Variants in MACROD2 observed in about 807,000 individuals in gnomAD.
MACROD2 encodes mono-ADP ribosylhydrolase 2, also known as ADP-ribose glycohydrolase MACROD2.
Under a neutral mutation model 70.4 loss-of-function variants are expected in MACROD2, and 36 were observed. The ratio of observed to expected loss-of-function variants is 0.51; its 90% confidence interval spans 0.39 to 0.68. The LOEUF is 0.68. MACROD2 is among the 30% of genes least tolerant of loss of function. The pLI, the probability that MACROD2 is intolerant of heterozygous loss-of-function variation, is 0.00. For synonymous variants in MACROD2, 172 were observed against 178.8 expected (o/e 0.96, Z 0.30); for missense variants, 496 against 538.4 (o/e 0.92, Z 0.78).
chr20:15,476,791 G>A (rs1025262905), intron 7 of MACROD2, among the ~76,000 whole-genome samples: 7 of 152,164 alleles, frequency 4.6e-5, no homozygotes, highest in East Asian at 1.9e-4. Context: ...ATGTCTTCAG[G>A]TGTTTGAAAA....
At chr20:15,405,002 C>T (rs558905141) in intron 6 of MACROD2, among the ~76,000 whole-genome samples, 7 of 152,170 alleles carry the variant, frequency 4.6e-5, no homozygotes, top group African/African-American at 1.7e-4. Flanking sequence ...ACCTTAAAAA[C>T]GTTATGCTAG....
intron 3 of MACROD2, among the ~76,000 whole-genome samples, chr20:14,469,630 A>G (rs1435002079): frequency 6.6e-6 from 1 of 151,536 alleles, no homozygotes; most frequent in East Asian, 2.0e-4. Context: ...ATTCCTTTTC[A>G]TTCTCTTTTT....
intron 5 of MACROD2, among the ~76,000 whole-genome samples, chr20:14,933,230 A>G (rs912460319): frequency 2.0e-5 from 3 of 152,152 alleles, no homozygotes; most frequent in African/African-American, 7.2e-5. Flanking sequence ...CAAAATTCTT[A>G]CAATCATAGA....
At chr20:14,120,617 C>A (rs2054575109) in intron 3 of MACROD2, among the ~76,000 whole-genome samples, 1 of 150,978 alleles carries the variant, frequency 6.6e-6, no homozygotes, top group Non-Finnish European at 1.5e-5. Context: ...GACATGGAAC[C>A]AACCCAAATG....
chr20:16,049,938 C>T lies in MACROD2; in HGVS notation c.*62C>T, dbSNP rs374489875. On this transcript the variant is annotated 3_prime_UTR_variant, in exon 18 of 18. Coordinates refer to ENST00000684519, the MANE Select transcript of MACROD2 (RefSeq NM_001351661.2). ...GGGAGCTCGGGAAGATAGCAGCACA[C>T]GCTGTGGAGGAGGGTGGGGGTGGGG... 1.3e-3 allele frequency: 314 copies of T among 247,214 alleles called. 1 individual carries two copies. Among genetic ancestry groups the T allele is most frequent in the South Asian group, 3.3e-4 (12 of 36,404 alleles). 15.3% of individuals were successfully genotyped at this position (247,214 alleles called of 1,614,324 possible).
chr20:15,492,731 G>A (rs1226668386), intron 7 of MACROD2, among the ~76,000 whole-genome samples: 1 of 152,140 alleles, frequency 6.6e-6, no homozygotes, highest in African/African-American at 2.4e-5. Flanking sequence ...TTTTTATTTT[G>A]AGGGTGTGCA....
At chr20:14,460,720 C>T (rs1029504367) in intron 3 of MACROD2, among the ~76,000 whole-genome samples, 3 of 152,114 alleles carry the variant, frequency 2.0e-5, no homozygotes, top group Middle Eastern at 6.8e-3. Context: ...TAATGGATTA[C>T]GTTTATTGAT....
chr20:16,024,269 A>T (rs933871644), intron 15 of MACROD2, among the ~76,000 whole-genome samples: 9 of 152,206 alleles, frequency 5.9e-5, no homozygotes, highest in Non-Finnish European at 1.3e-4. Flanking sequence ...ACTAACAAGG[A>T]AGTGCAAATC....
At chr20:15,481,755 T>C (rs1246850246) in intron 7 of MACROD2, among the ~76,000 whole-genome samples, 1 of 151,998 alleles carries the variant, frequency 6.6e-6, no homozygotes, top group Admixed American at 6.6e-5. Context: ...ATAAACAAGC[T>C]ACACAGGTGC....
intron 2 of MACROD2, among the ~76,000 whole-genome samples, chr20:14,075,646 A>G (rs564131742): frequency 4.9e-4 from 75 of 151,938 alleles, no homozygotes; most frequent in African/African-American, 1.7e-3. Context: ...GAATCTTTTG[A>G]TGTTTCCCTT....
At chr20:14,311,951 A>G (rs571280984) in intron 3 of MACROD2, among the ~76,000 whole-genome samples, 1 of 152,338 alleles carries the variant, frequency 6.6e-6, no homozygotes, top group South Asian at 2.1e-4. Context: ...ATACTATAAA[A>G]TATGCTCAAA....
rs866338523 is a variant in MACROD2, at chr20:14,276,503, G to A, written c.271+190775G>A. On this transcript the variant is annotated intron_variant, in intron 3 of 17. Transcript: ENST00000684519. ...GGGGTGGGGGGAGGGGGGAGGGATAGCATTAGGAGATATACCTAATGCTAA... is the reference window on the plus strand; with the variant it reads ...GGGGTGGGGGGAGGGGGGAGGGATAACATTAGGAGATATACCTAATGCTAA... Among the ~76,000 whole-genome samples the A allele has an allele frequency of 2.4e-3, 352 of 144,684 alleles. 2 individuals carry two copies. The highest frequency in any genetic ancestry group is 8.3e-3 in the African/African-American group (326 of 39,130). The allele number at this position is 144,684 out of a possible 152,430, so 94.9% of individuals were successfully genotyped here. A position where few individuals can be genotyped will look rare whatever the true frequency, so the allele number is the denominator to read the frequency against.
intron 5 of MACROD2, among the ~76,000 whole-genome samples, chr20:14,924,068 A>C (rs2074198259): frequency 1.3e-5 from 2 of 152,212 alleles, no homozygotes; most frequent in African/African-American, 4.8e-5. Flanking sequence ...AAATTAGACC[A>C]AGGCTATTTT....
At chr20:14,515,021 A>C (rs1250744418) in intron 4 of MACROD2, among the ~76,000 whole-genome samples, 2 of 152,120 alleles carry the variant, frequency 1.3e-5, no homozygotes, top group Non-Finnish European at 2.9e-5. Context: ...AGGAACTGGA[A>C]GAGAACTTTA....
At chr20:15,390,915 T>G (rs1245513990) in intron 6 of MACROD2, among the ~76,000 whole-genome samples, 7 of 152,194 alleles carry the variant, frequency 4.6e-5, no homozygotes, top group Admixed American at 1.3e-4. Flanking sequence ...CCATCACACT[T>G]CCTAATCCAT....
At chr20:15,942,190 C>A (rs1418833579) in intron 12 of MACROD2, among the ~76,000 whole-genome samples, 2 of 152,154 alleles carry the variant, frequency 1.3e-5, no homozygotes, top group East Asian at 3.8e-4. Context: ...GCTAACTGTG[C>A]CAGCTGCCAA....
intron 3 of MACROD2, among the ~76,000 whole-genome samples, chr20:14,251,250 T>C (rs2082010197): frequency 6.6e-6 from 1 of 152,158 alleles, no homozygotes; most frequent in Admixed American, 6.5e-5. Flanking sequence ...TTGCATATCC[T>C]CTTTTTCTCT....
intron 3 of MACROD2, among the ~76,000 whole-genome samples, chr20:14,197,328 T>G (rs953769736): frequency 2.6e-5 from 4 of 152,234 alleles, no homozygotes; most frequent in Admixed American, 2.6e-4. Context: ...GGTTAATTGA[T>G]AAAGCAGAGG....
intron 4 of MACROD2, among the ~76,000 whole-genome samples, chr20:14,670,746 G>T (rs1415178968): frequency 6.6e-6 from 1 of 152,126 alleles, no homozygotes; most frequent in Non-Finnish European, 1.5e-5. Context: ...TGAATGAGAA[G>T]TAGTTCAGGG....
Sources: allele counts gnomAD v4.1 joint callset (sites outside exome capture counted in the v4.1 genomes callset), GRCh38; gene constraint gnomAD v4.1.1; transcripts MANE v1.5; gene names NCBI Gene and HGNC (gene_info 2026-07-23, HGNC 2026-07-21).